Variants in PCF11 observed in about 807,000 individuals in gnomAD.
PCF11 encodes PCF11 cleavage and polyadenylation factor subunit, also known as pre-mRNA cleavage complex 2 protein Pcf11.
A neutral mutation model predicts 166.1 loss-of-function variants in PCF11; 19 were observed. That is an observed-to-expected ratio of 0.11 (90% CI 0.08 to 0.17). The LOEUF (loss-of-function observed/expected upper bound fraction) is 0.17. PCF11 is among the 10% of genes least tolerant of loss of function. The pLI, the probability that PCF11 is intolerant of heterozygous loss-of-function variation, is 1.00. For synonymous variants in PCF11, 663 were observed against 644.1 expected (o/e 1.03, Z -0.44); for missense variants, 1,565 against 1,855.5 (o/e 0.84, Z 2.88).
At chr11:83,163,351 T>TTTA (rs1860329180) in intron 2 of PCF11, among the ~76,000 whole-genome samples, 1 of 152,194 alleles carries the variant, frequency 6.6e-6, no homozygotes, top group Admixed American at 6.5e-5. Flanking sequence ...ATTTTTTAGT[T>TTTA]TTATATTTTC....
chr11:83,169,741 A>C (rs769870683), exon 8 of PCF11: 1 of 1,613,820 alleles, frequency 6.2e-7, no homozygotes, highest in African/African-American at 1.3e-5. Context: ...TGGTCCATAT[A>C]ATGATCCACC....
intron 9 of PCF11, among the ~76,000 whole-genome samples, chr11:83,173,842 G>A (rs936473973): frequency 3.4e-5 from 5 of 147,740 alleles, no homozygotes; most frequent in Non-Finnish European, 6.0e-5. Context: ...CAGTTCTCCC[G>A]GGCTCAGCCT....
intron 9 of PCF11, among the ~76,000 whole-genome samples, chr11:83,173,747 T>G (rs1860779016): frequency 8.9e-6 from 1 of 112,040 alleles, no homozygotes; most frequent in Non-Finnish European, 1.7e-5. Context: ...TTTTTTTTTT[T>G]GAGACGAGTC....
chr11:83,177,842 A>C (rs746852873), intron 11 of PCF11, 23 bp downstream of exon 11: 6 of 1,193,022 alleles, frequency 5.0e-6, no homozygotes, highest in Non-Finnish European at 7.2e-6. Context: ...ATTTTCTTTA[A>C]GATAAAGAGG....
At chr11:83,186,551 T>C (rs1260901240) in exon 16 of PCF11, 1 of 152,224 alleles carries the variant, frequency 6.6e-6, no homozygotes, top group Non-Finnish European at 1.5e-5. Context: ...TTTTAAGTAG[T>C]GAAGAGCCTT....
At chr11:83,177,228 T>C (rs777125461) in intron 10 of PCF11, 24 bp downstream of exon 10, 1 of 1,506,170 alleles carries the variant, frequency 6.6e-7, no homozygotes, top group East Asian at 2.5e-5. Context: ...TATACTTAAA[T>C]TTACACAAAG....
chr11:83,166,654 A>G (rs775095584), exon 5 of PCF11: 1 of 1,606,464 alleles, frequency 6.2e-7, no homozygotes, highest in Non-Finnish European at 8.5e-7. Context: ...GAGAATGTAG[A>G]AAACTGGCAA....
intron 3 of PCF11, 91 bp from the exon 4 acceptor site, chr11:83,164,116 G>T (rs554768366): frequency 2.4e-6 from 2 of 816,376 alleles, no homozygotes; most frequent in South Asian, 3.9e-5. Flanking sequence ...TAGGAATTTG[G>T]ATCATATTAA....
intron 1 of PCF11, 74 bp from the exon 2 acceptor site, chr11:83,161,253 T>G: frequency 7.9e-7 from 1 of 1,272,396 alleles, no homozygotes; most frequent in Non-Finnish European, 1.1e-6. Context: ...GTATTGTAGG[T>G]TTAAAAACTC....
At chr11:83,157,169 C>G (rs956585370) in exon 1 of PCF11, 8 of 574,614 alleles carry the variant, frequency 1.4e-5, no homozygotes, top group Non-Finnish European at 2.5e-5. Flanking sequence ...ATTTTCGGAG[C>G]TGGAGCCGCC....
intron 15 of PCF11, among the ~76,000 whole-genome samples, 151 bp downstream of exon 15, chr11:83,183,224 A>G (rs1861143582): frequency 6.6e-6 from 1 of 152,134 alleles, no homozygotes; most frequent in South Asian, 2.1e-4. Flanking sequence ...GTTGTTCAGT[A>G]AAAACTGGTG....
At chr11:83,166,054 A>G (rs760876009) in exon 5 of PCF11, 4 of 1,602,466 alleles carry the variant, frequency 2.5e-6, no homozygotes, top group Non-Finnish European at 2.5e-6. Context: ...GACTTGAAAA[A>G]TCAAGAATCG....
chr11:83,165,558 A>G (rs974621526), intron 4 of PCF11, 42 bp from the exon 5 acceptor site: 3 of 1,498,950 alleles, frequency 2.0e-6, no homozygotes, highest in African/African-American at 1.4e-5. Context: ...GACAATCTGC[A>G]TGTTCTGCAG....
intron 15 of PCF11, 124 bp from the exon 16 acceptor site, chr11:83,184,555 G>A: frequency 1.5e-6 from 1 of 659,940 alleles, no homozygotes; most frequent in African/African-American, 1.9e-5. Flanking sequence ...GGAGGCAGGT[G>A]TTTCATTTGC....
At chr11:83,181,078 A>G (rs750205293) in exon 12 of PCF11, 4 of 1,605,494 alleles carry the variant, frequency 2.5e-6, no homozygotes, top group Non-Finnish European at 3.4e-6. Context: ...GAGGTTTACA[A>G]CATCACAGAC....
At chr11:83,161,753 C>T (rs943393507) in intron 2 of PCF11, among the ~76,000 whole-genome samples, 2 of 152,038 alleles carry the variant, frequency 1.3e-5, no homozygotes, top group African/African-American at 4.8e-5. Flanking sequence ...ACAAACCAGG[C>T]AAAAAGATCT....
chr11:83,164,027 T>C (rs532054248), intron 3 of PCF11, among the ~76,000 whole-genome samples, 160 bp downstream of exon 3: 1 of 152,320 alleles, frequency 6.6e-6, no homozygotes, highest in South Asian at 2.1e-4. Flanking sequence ...GAATTTTTAT[T>C]TAGAAATATA....
chr11:83,168,650 G>T (rs1417697329), exon 8 of PCF11: 1 of 1,613,934 alleles, frequency 6.2e-7, no homozygotes, highest in Middle Eastern at 1.6e-4. Context: ...ATTTTTGAAG[G>T]ACCCAATAAA....
chr11:83,173,919 C>G lies in PCF11; in HGVS notation c.3757+2005C>G, dbSNP rs545583992. On this transcript the variant is annotated intron_variant, in intron 9 of 15. Transcript: ENST00000298281. ...CTAATTTTTGTATTTTTAATAGAGG[C>G]AGAGTTTCACCATATTGGTCAGGGT... is the stretch of plus-strand genomic sequence containing the variant. Among the ~76,000 whole-genome samples the G allele has an allele frequency of 1.2e-4, 18 of 151,814 alleles. No homozygotes were observed. The South Asian group carries it at 3.5e-3, about 30-fold the overall frequency.
Sources: gnomAD v4.1 joint callset for allele counts (sites outside exome capture counted in the v4.1 genomes callset) on GRCh38, gnomAD v4.1.1 for gene constraint, MANE v1.5 for transcripts, NCBI Gene and HGNC (gene_info 2026-07-23, HGNC 2026-07-21) for gene names.